Variants in SELENOO observed in about 807,000 individuals in gnomAD.
SELENOO encodes selenoprotein O.
In SELENOO, 74 loss-of-function variants were observed where a neutral mutation model predicts 58.7. The observed-to-expected ratio is 1.26, with a 90% CI of 1.04 to 1.53. The LOEUF (loss-of-function observed/expected upper bound fraction) is 1.53. SELENOO is among the 40% of genes most tolerant of loss of function. The pLI is 0.00. For synonymous variants in SELENOO, 543 were observed against 453.2 expected, an observed-to-expected ratio of 1.20 and a Z score of -2.52; for missense variants, 1,149 against 970.0, an observed-to-expected ratio of 1.18 and a Z score of -2.45.
At chr22:50,202,460 G>A (rs914121668) in intron 1 of SELENOO, among the ~76,000 whole-genome samples, 4 of 152,072 alleles carry the variant, frequency 2.6e-5, no homozygotes, top group African/African-American at 9.7e-5. Context: ...CCCACCCCCA[G>A]CGACCTGCTT....
rs551935889 is a variant in SELENOO at position 50,216,742 on chromosome 22, G to A, written c.1554G>A (p.Ala518=). The stretch of plus-strand genomic sequence containing the variant: ...CGCAGTCAAACCCGCAGCTGTTCGC[G>A]CTTATGGGCACCCGGGCAGGCATCG... ...MLAQSNPQLF[A]LMGTRAGIAR... The change falls in exon 7 of 9, where the codon GCG becomes GCA. Residue 518 remains alanine (A), a synonymous_variant. Transcript: ENST00000380903. 102 of 1,606,346 alleles carry A rather than the reference G, an allele frequency of 6.3e-5. No homozygotes were observed. In the South Asian group the frequency reaches 8.5e-4, roughly 13 times the overall value.
At chr22:50,206,639 TG>T (rs748587353) in intron 2 of SELENOO, 119 bp downstream of exon 2, 39 of 906,610 alleles carry the variant, frequency 4.3e-5, no homozygotes, top group Non-Finnish European at 5.6e-5. Context: ...TGGCCTCTTC[TG>T]AAAGTCCAGC....
chr22:50,210,878 G>GT lies in SELENOO; in HGVS notation c.1319dup (p.Ser441ValfsTer117). ...GGAGCTGGAGGAAGACGGGGCGCTG[G>GT]TGTCCAAGCTCCTGGAGACCATGCA... On this transcript the variant is annotated frameshift_variant, in exon 5 of 9. Coordinates refer to ENST00000380903, the MANE Select transcript of SELENOO (RefSeq NM_031454.2). LOFTEE classifies it high-confidence loss of function. 1 of 1,614,124 alleles carries GT rather than the reference G, an allele frequency of 6.2e-7. No individual in the cohort carries two copies. Among genetic ancestry groups the GT allele is most frequent in the Non-Finnish European group, 8.5e-7 (1 of 1,180,032 alleles).
At chr22:50,203,384 A>G (rs148255818) in intron 1 of SELENOO, among the ~76,000 whole-genome samples, 26 of 152,272 alleles carry the variant, frequency 1.7e-4, no homozygotes, top group African/African-American at 6.0e-4. Context: ...TCAAAAAGTA[A>G]TACAATTCAT....
In SELENOO at chr22:50,215,597, C is replaced by T. The variant is rs2064400267; in HGVS notation, c.1352-120C>T. On this transcript the variant is annotated intron_variant, in intron 5 of 8. Coordinates refer to ENST00000380903, the MANE Select transcript of SELENOO (RefSeq NM_031454.2). ...CTGGCGGTGGGGGGCGGTGGTGGAGCATGTGGGTGGGTCCATGCAGCACCT... is the reference window on the plus strand; with the variant it reads ...CTGGCGGTGGGGGGCGGTGGTGGAGTATGTGGGTGGGTCCATGCAGCACCT... 8.8e-6 allele frequency: 6 copies of T among 685,670 alleles called. No individual in the cohort carries two copies. The South Asian group carries it at 1.2e-4, about 13-fold the overall frequency. 42.5% of individuals were successfully genotyped at this position (685,670 alleles called of 1,614,324 possible).
chr22:50,216,998 G>A lies in SELENOO; in HGVS notation c.1715G>A (p.Gly572Asp), dbSNP rs1279784955. The A allele has an allele frequency of 1.2e-6, 2 of 1,611,168 alleles. No individual in the cohort carries two copies. Among genetic ancestry groups the A allele is most frequent in the Admixed American group, 3.3e-5 (2 of 60,008 alleles). The change falls in exon 8 of 9, where the codon GGC becomes GAC. Residue 572 changes from glycine to aspartate, a missense_variant. Physicochemically the swap from Gly to Asp is moderately conservative, Grantham distance 94. Transcript: ENST00000380903. ...YRARLDKDLEGAGDAAAWQAE... is the reference protein window; with the variant it reads ...YRARLDKDLEDAGDAAAWQAE... ...GCCCGGCTGGACAAGGACCTGGAAG[G>A]CGCTGGGGACGCTGCCGCCTGGCAG... is the stretch of plus-strand genomic sequence containing the variant.
At chr22:50,214,939 C>T (rs1569104701) in intron 5 of SELENOO, among the ~76,000 whole-genome samples, 1 of 152,202 alleles carries the variant, frequency 6.6e-6, no homozygotes, top group Non-Finnish European at 1.5e-5. Context: ...TGCCAATCTG[C>T]CTTTTGTTGG....
rs1383295240 is a variant in SELENOO, at chr22:50,215,833, C to T, written c.1468C>T (p.Leu490=). 3.1e-5 allele frequency: 50 copies of T among 1,611,740 alleles called. No homozygotes were observed. Among genetic ancestry groups the T allele is most frequent in the Non-Finnish European group, 3.9e-5 (46 of 1,178,472 alleles). The change falls in exon 6 of 9, where the codon CTG becomes TTG. Residue 490 remains leucine (L), a synonymous_variant. Transcript: ENST00000380903. ...GGAGCAGTGTGCCTCCCTGGAGGAG[C>T]TGAGGCTGGCCTTCCGGCCCCAGAT... is the stretch of plus-strand genomic sequence containing the variant. The part of the protein sequence containing the change: ...LMEQCASLEE[L]RLAFRPQMDP...
In SELENOO at chr22:50,201,059, T is replaced by C. The variant is rs1427019368; in HGVS notation, c.23T>C (p.Leu8Pro). The change falls in exon 1 of 9, where the codon CTC becomes CCC. Residue 8 changes from leucine to proline, a missense_variant. Physicochemically the swap from Leu to Pro is moderately conservative, Grantham distance 98. Transcript: ENST00000380903. MAVYRAA[L>P]GASLAAARLL... ...CGGATGGCCGTATACAGGGCAGCGC[T>C]CGGGGCTTCGCTCGCGGCTGCCCGA... is the stretch of plus-strand genomic sequence containing the variant. The C allele has an allele frequency of 5.9e-6, 8 of 1,354,106 alleles. No individual in the cohort carries two copies. The highest frequency in any genetic ancestry group is 6.2e-5 in the East Asian group (2 of 32,148). 83.9% of individuals were successfully genotyped at this position (1,354,106 alleles called of 1,614,324 possible).
intron 1 of SELENOO, among the ~76,000 whole-genome samples, chr22:50,202,986 A>G (rs922282691): frequency 1.3e-5 from 2 of 152,290 alleles, no homozygotes; most frequent in African/African-American, 2.4e-5. Context: ...ATAACTTAAT[A>G]TTAGAAAGAC....
chr22:50,204,527 T>TGA (rs1342722452), intron 1 of SELENOO, among the ~76,000 whole-genome samples: 5 of 151,838 alleles, frequency 3.3e-5, no homozygotes, highest in African/African-American at 1.2e-4. Context: ...CCTGGGAGGC[T>TGA]GAGGCAGGAG....
chr22:50,213,213 A>G (rs868060383), intron 5 of SELENOO, among the ~76,000 whole-genome samples: 1 of 151,836 alleles, frequency 6.6e-6, no homozygotes. Context: ...GGCATGCTCC[A>G]CCACACCTAG....
chr22:50,204,558 C>T (rs547371054), intron 1 of SELENOO, among the ~76,000 whole-genome samples: 35 of 151,270 alleles, frequency 2.3e-4, no homozygotes, highest in African/African-American at 7.8e-4. Flanking sequence ...ACCCAGGAGG[C>T]GGAGGTTGCA....
At position 50,217,017 on chromosome 22, in the gene SELENOO, C is replaced by T. The variant is rs147786106; in HGVS notation, c.1734C>T (p.Ala578=). The T allele has an allele frequency of 6.2e-7, 1 of 1,611,806 alleles. No homozygotes were observed. Among genetic ancestry groups the T allele is most frequent in the Middle Eastern group, 1.7e-4 (1 of 6,058 alleles). Residue 578 remains alanine (A), a synonymous_variant, in exon 8 of 9, where the codon GCC becomes GCT. Transcript: ENST00000380903. ...TGGAAGGCGCTGGGGACGCTGCCGCCTGGCAGGCTGAGCACGTGCGCGTGA... is the reference window on the plus strand; with the variant it reads ...TGGAAGGCGCTGGGGACGCTGCCGCTTGGCAGGCTGAGCACGTGCGCGTGA... The part of the protein sequence containing the change: ...KDLEGAGDAA[A]WQAEHVRVMH...
At chr22:50,215,984 G>A (rs1439087790) in intron 6 of SELENOO, 117 bp downstream of exon 6, 20 of 863,832 alleles carry the variant, frequency 2.3e-5, no homozygotes, top group Admixed American at 1.1e-4. Context: ...TGGCTGCTCC[G>A]CTCCCAGGGA....
chr22:50,215,994 A>AC, intron 6 of SELENOO, 127 bp downstream of exon 6: 1 of 776,816 alleles, frequency 1.3e-6, no homozygotes, highest in Non-Finnish European at 2.0e-6. Flanking sequence ...GCTCCCAGGG[A>AC]CAGATTCAGT....
chr22:50,213,463 TTC>T (rs1314763004), intron 5 of SELENOO, among the ~76,000 whole-genome samples: 2 of 152,110 alleles, frequency 1.3e-5, no homozygotes, highest in Non-Finnish European at 1.5e-5. Context: ...TTGGAGAACT[TTC>T]TGTGTGCCCT....
At chr22:50,215,634 G>C (rs1602496496) in intron 5 of SELENOO, 83 bp from the exon 6 acceptor site, 4 of 1,046,152 alleles carry the variant, frequency 3.8e-6, no homozygotes, top group Admixed American at 2.9e-5. Context: ...TGCCAGGGGG[G>C]TGGGGGGGGG....
At chr22:50,215,161 T>C (rs2064396827) in intron 5 of SELENOO, among the ~76,000 whole-genome samples, 1 of 152,218 alleles carries the variant, frequency 6.6e-6, no homozygotes, top group Admixed American at 6.5e-5. Flanking sequence ...GATCGCAGTG[T>C]CTGTCACAAG....
Sources: allele counts gnomAD v4.1 joint callset (sites outside exome capture counted in the v4.1 genomes callset), GRCh38; gene constraint gnomAD v4.1.1; transcripts MANE v1.5; gene names NCBI Gene and HGNC (gene_info 2026-07-23, HGNC 2026-07-21).